Variants in KDSR observed in about 807,000 individuals in gnomAD.
KDSR encodes the protein 3-ketodihydrosphingosine reductase.
In KDSR, 23 loss-of-function variants were observed where a neutral mutation model predicts 41.3. That is an observed-to-expected ratio of 0.56 (90% CI 0.40 to 0.79). The LOEUF is 0.79. Among genes scored for constraint, KDSR ranks in the 30% least tolerant of loss-of-function variants. The probability of loss-of-function intolerance (pLI) is 0.00; values close to 1 mark genes in which losing one functional copy is unlikely to be tolerated. For missense variants in KDSR, 351 were observed against 416.8 expected, an observed-to-expected ratio of 0.84 and a Z score of 1.37; for synonymous variants, 138 against 151.7, an observed-to-expected ratio of 0.91 and a Z score of 0.66.
intron 2 of KDSR, among the ~76,000 whole-genome samples, chr18:63,360,694 G>C (rs1239690001): frequency 1.3e-5 from 2 of 148,936 alleles, no homozygotes; most frequent in Admixed American, 6.7e-5. Flanking sequence ...ACCAGCCTGG[G>C]CAACATGGTG....
At position 63,328,674 on chromosome 18, in the gene KDSR, T is replaced by A. The variant is rs1568272402; in HGVS notation, c.*3108A>T. 2 of 171,874 alleles carry A rather than the reference T, an allele frequency of 1.2e-5. No homozygotes were observed. The highest frequency in any genetic ancestry group is 2.5e-5 in the Non-Finnish European group (2 of 79,180). 10.6% of individuals were successfully genotyped at this position (171,874 alleles called of 1,614,324 possible). On this transcript the variant is annotated 3_prime_UTR_variant, in exon 10 of 10. Transcript: ENST00000645214. The stretch of plus-strand genomic sequence containing the variant: ...CACGCCCGGCCCAGAGAAAGATTTA[T>A]AACTAAATATATAGAAAAGAATAAT...
intron 3 of KDSR, among the ~76,000 whole-genome samples, chr18:63,356,371 C>T (rs1599335820): frequency 6.7e-6 from 1 of 148,866 alleles, no homozygotes; most frequent in African/African-American, 2.5e-5. Context: ...TGCACACCAG[C>T]GTGGGCAACA....
In KDSR at chr18:63,330,622, ACT is replaced by A. The variant is rs2144342094; in HGVS notation, c.*1158_*1159del. 4.3e-6 allele frequency: 1 copy of A among 231,680 alleles called. No individual in the cohort carries two copies. The highest frequency in any genetic ancestry group is 1.8e-4 in the South Asian group (1 of 5,520). 14.4% of individuals were successfully genotyped at this position (231,680 alleles called of 1,614,324 possible). A position where few individuals can be genotyped will look rare whatever the true frequency, so the allele number is the denominator to read the frequency against. Reference sequence around the variant, plus strand: ...AGGTGATCATTTTATTTCAAAAGCAACTCTCTTCAAAATCAGCCTTGTCTTTT... The same window carrying A: ...AGGTGATCATTTTATTTCAAAAGCAACTCTTCAAAATCAGCCTTGTCTTTT... On this transcript the variant is annotated 3_prime_UTR_variant, in exon 10 of 10. Coordinates refer to ENST00000645214, the MANE Select transcript of KDSR (RefSeq NM_002035.4).
rs1284796676 is a variant in KDSR, at chr18:63,356,398, C to CA, written c.256-836dup. Among the ~76,000 whole-genome samples, 412 of 105,498 alleles carry CA rather than the reference C, an allele frequency of 3.9e-3. 2 individuals carry two copies. Among genetic ancestry groups the CA allele is most frequent in the African/African-American group, 0.011 (304 of 28,212 alleles). 69.2% of individuals were successfully genotyped at this position (105,498 alleles called of 152,430 possible). A position where few individuals can be genotyped will look rare whatever the true frequency, so the allele number is the denominator to read the frequency against. On this transcript the variant is annotated intron_variant, in intron 3 of 9. Transcript: ENST00000645214. ...TGGGCAACAGAGTGAGACTCCGTCT[C>CA]AAAAAAAAAAAAAGGCAGTAGTAAT...
intron 7 of KDSR, 79 bp from the exon 8 acceptor site, chr18:63,338,962 G>T: frequency 1.2e-6 from 1 of 809,970 alleles, no homozygotes. Flanking sequence ...ACAGCCTCCT[G>T]ATTTACAAAT....
chr18:63,349,838 C>T (rs1459519330), intron 6 of KDSR, among the ~76,000 whole-genome samples: 1 of 152,246 alleles, frequency 6.6e-6, no homozygotes, highest in Non-Finnish European at 1.5e-5. Context: ...TTCATTTACA[C>T]ATTGTCTAGT....
At chr18:63,359,178 C>CAAAA (rs74169959) in intron 3 of KDSR, among the ~76,000 whole-genome samples, 18 of 37,044 alleles carry the variant, frequency 4.9e-4, no homozygotes, top group East Asian at 2.0e-3. Flanking sequence ...GACACTGCCT[C>CAAAA]AAAAAAAAAA....
chr18:63,363,719 A>T (rs1915058262), intron 1 of KDSR, among the ~76,000 whole-genome samples: 1 of 152,206 alleles, frequency 6.6e-6, no homozygotes, highest in Non-Finnish European at 1.5e-5. Flanking sequence ...CTGAATATTT[A>T]TTTGAAATGA....
intron 1 of KDSR, among the ~76,000 whole-genome samples, chr18:63,363,275 G>A (rs1471018606): frequency 1.4e-5 from 2 of 139,000 alleles, no homozygotes; most frequent in East Asian, 4.1e-4. Context: ...CATTGTGCAG[G>A]TTAGTTACAT....
intron 7 of KDSR, among the ~76,000 whole-genome samples, chr18:63,340,878 T>C (rs1161399005): frequency 6.6e-6 from 1 of 152,202 alleles, no homozygotes; most frequent in Non-Finnish European, 1.5e-5. Flanking sequence ...ACGTAGGTGG[T>C]GAGCTCCCCA....
intron 2 of KDSR, among the ~76,000 whole-genome samples, chr18:63,361,840 A>G (rs771836235): frequency 4.9e-4 from 74 of 152,104 alleles, no homozygotes; most frequent in Non-Finnish European, 8.4e-4. Context: ...AATAAAAGAA[A>G]TTATAGAGGT....
Position 63,351,044 on chromosome 18 carries a change from G to T in KDSR, c.453C>A (p.Tyr151Ter). Residue 151 changes from tyrosine (Y) to a stop codon, truncating the protein, a stop_gained, in exon 6 of 10, where the codon TAC becomes TAA. Transcript: ENST00000645214. LOFTEE classifies it high-confidence loss of function. ...TGGTGGTGATCACGGCCCGGCTGGG[G>T]TACACGCTGCCCAGGTAATTGATGC... ...LMSINYLGSV[Y>*]PSRAVITTMK... is the part of the protein sequence containing the mutation. 1 of 1,613,948 alleles carries T rather than the reference G, an allele frequency of 6.2e-7. No individual in the cohort carries two copies. The highest frequency in any genetic ancestry group is 1.1e-5 in the South Asian group (1 of 91,044).
rs1285947163 is a variant in KDSR, at chr18:63,364,403, T to C, written c.109-1535A>G. ...CACTTAGCCTGGGGAGGGCTCAATATATATTATATATTTCACTGAATAAGT... is the reference window on the plus strand; with the variant it reads ...CACTTAGCCTGGGGAGGGCTCAATACATATTATATATTTCACTGAATAAGT... On this transcript the variant is annotated intron_variant, in intron 1 of 9. Transcript: ENST00000645214. Among the ~76,000 whole-genome samples, 6 of 152,172 alleles carry C rather than the reference T, an allele frequency of 3.9e-5. No homozygotes were observed. The East Asian group carries it at 1.2e-3, about 29-fold the overall frequency.
intron 9 of KDSR, 32 bp downstream of exon 9, chr18:63,335,225 C>T: frequency 7.0e-7 from 1 of 1,430,644 alleles, no homozygotes; most frequent in Non-Finnish European, 9.8e-7. Flanking sequence ...TGTCCATCGG[C>T]CTGTCTGATT....
intron 8 of KDSR, among the ~76,000 whole-genome samples, chr18:63,337,052 C>G (rs1423291975): frequency 2.0e-5 from 3 of 147,130 alleles, no homozygotes; most frequent in Non-Finnish European, 4.5e-5. Context: ...TAAAAAAAGT[C>G]ACTTTATATA....
intron 3 of KDSR, among the ~76,000 whole-genome samples, chr18:63,358,716 G>A (rs1336382863): frequency 1.3e-5 from 2 of 148,402 alleles, no homozygotes; most frequent in African/African-American, 5.0e-5. Flanking sequence ...TCAGGAGGCT[G>A]AGGCAGGAGA....
intron 8 of KDSR, 63 bp downstream of exon 8, chr18:63,338,737 A>G (rs1429651713): frequency 2.8e-6 from 3 of 1,089,598 alleles, no homozygotes; most frequent in Non-Finnish European, 4.1e-6. Flanking sequence ...CCTTGGACAA[A>G]TATCTTTTCA....
At chr18:63,345,168 A>G (rs1264417456) in intron 6 of KDSR, 1 of 152,270 alleles carries the variant, frequency 6.6e-6, no homozygotes, top group African/African-American at 2.4e-5. Context: ...CCAGCCAAGT[A>G]CCTCCCCTGT....
intron 7 of KDSR, among the ~76,000 whole-genome samples, chr18:63,339,750 T>C (rs1471323624): frequency 6.6e-6 from 1 of 152,226 alleles, no homozygotes; most frequent in Non-Finnish European, 1.5e-5. Context: ...GGCTTTTCTT[T>C]GCGATGTCTT....
Sources: gnomAD v4.1 joint callset for allele counts (sites outside exome capture counted in the v4.1 genomes callset) on GRCh38, gnomAD v4.1.1 for gene constraint, MANE v1.5 for transcripts, NCBI Gene and HGNC (gene_info 2026-07-23, HGNC 2026-07-21) for gene names.